Variants in CNOT10 observed in about 807,000 individuals in gnomAD.
The protein encoded by CNOT10 is CCR4-NOT transcription complex, subunit 10.
In CNOT10, 30 loss-of-function variants were observed where a neutral mutation model predicts 94.6. The ratio of observed to expected loss-of-function variants is 0.32; its 90% confidence interval spans 0.24 to 0.43. The LOEUF (loss-of-function observed/expected upper bound fraction) is 0.43. Among genes scored for constraint, CNOT10 ranks in the 20% least tolerant of loss-of-function variants. The probability of loss-of-function intolerance (pLI) is 1.00; values close to 1 mark genes in which losing one functional copy is unlikely to be tolerated. For missense variants in CNOT10, 759 were observed against 877.2 expected, an observed-to-expected ratio of 0.87 and a Z score of 1.70; for synonymous variants, 289 against 301.6, an observed-to-expected ratio of 0.96 and a Z score of 0.43.
intron 8 of CNOT10, 106 bp from the exon 9 acceptor site, chr3:32,725,344 G>A (rs767243169): frequency 3.1e-5 from 26 of 842,816 alleles, no homozygotes; most frequent in Non-Finnish European, 4.9e-5. Context: ...TAGGGAGTAA[G>A]TGGAATGGTA....
At chr3:32,730,710 T>A (rs547366067) in intron 10 of CNOT10, 1 of 152,154 alleles carries the variant, frequency 6.6e-6, no homozygotes, top group Non-Finnish European at 1.5e-5. Flanking sequence ...AGAAATAAAT[T>A]CATTTTGGAT....
intron 17 of CNOT10, among the ~76,000 whole-genome samples, chr3:32,768,352 C>T (rs1380068023): frequency 1.3e-5 from 2 of 152,074 alleles, no homozygotes; most frequent in East Asian, 1.9e-4. Flanking sequence ...GAGGCCAAGG[C>T]GGGTGGATCA....
rs914874427 is a variant in CNOT10 at position 32,752,468 on chromosome 3, A to G, written c.1596-6990A>G. Among the ~76,000 whole-genome samples the G allele has an allele frequency of 8.5e-5, 13 of 152,140 alleles. 1 individual carries two copies. Among genetic ancestry groups the G allele is most frequent in the African/African-American group, 2.9e-4 (12 of 41,448 alleles). On this transcript the variant is annotated intron_variant, in intron 13 of 18. Transcript: ENST00000328834. The stretch of plus-strand genomic sequence containing the variant: ...TAAAATGCTAAGTCTCTGTGACTTT[A>G]TATTTTATTTGCTGCCCAGGATAAG...
chr3:32,715,452 T>C (rs1430632852), intron 5 of CNOT10, among the ~76,000 whole-genome samples: 1 of 152,002 alleles, frequency 6.6e-6, no homozygotes, highest in Non-Finnish European at 1.5e-5. Flanking sequence ...AGGAGAGCAG[T>C]GGGAGATGAT....
chr3:32,722,190 T>C (rs997878842), intron 8 of CNOT10, among the ~76,000 whole-genome samples: 2 of 152,218 alleles, frequency 1.3e-5, no homozygotes, highest in African/African-American at 4.8e-5. Flanking sequence ...TGTCTTGTTT[T>C]TTTTGGATTC....
At chr3:32,707,900 GT>G (rs1189759980) in intron 3 of CNOT10, among the ~76,000 whole-genome samples, 4 of 151,964 alleles carry the variant, frequency 2.6e-5, no homozygotes, top group African/African-American at 9.7e-5. Flanking sequence ...TTTTTGTTTT[GT>G]TTGATACAGA....
At chr3:32,732,025 G>A (rs1698980385) in intron 10 of CNOT10, among the ~76,000 whole-genome samples, 1 of 152,110 alleles carries the variant, frequency 6.6e-6, no homozygotes, top group Non-Finnish European at 1.5e-5. Context: ...GTTGCAGTGA[G>A]CCGAGATTGT....
At chr3:32,755,976 C>T (rs1398911785) in intron 13 of CNOT10, among the ~76,000 whole-genome samples, 4 of 151,894 alleles carry the variant, frequency 2.6e-5, no homozygotes, top group Admixed American at 2.6e-4. Flanking sequence ...GACAGTGACT[C>T]GAGGAAGTGG....
At chr3:32,710,759 T>TG (rs1037621911) in intron 4 of CNOT10, among the ~76,000 whole-genome samples, 1 of 152,168 alleles carries the variant, frequency 6.6e-6, no homozygotes, top group Non-Finnish European at 1.5e-5. Flanking sequence ...CTCTTTCTGT[T>TG]GCCCAGGCTG....
chr3:32,738,355 A>G (rs1201560798), intron 13 of CNOT10, among the ~76,000 whole-genome samples: 1 of 152,116 alleles, frequency 6.6e-6, no homozygotes, highest in Non-Finnish European at 1.5e-5. Flanking sequence ...TTCCTTAAGT[A>G]TTTGATAGAA....
rs1196774272 is a variant in CNOT10 at position 32,685,340 on chromosome 3, T to TGG, written c.-117_-116dup. 8.3e-7 allele frequency: 1 copy of TGG among 1,202,130 alleles called. No individual in the cohort carries two copies. The highest frequency in any genetic ancestry group is 1.5e-5 in the African/African-American group (1 of 66,010). The allele number at this position is 1,202,130 out of a possible 1,614,324, so 74.5% of individuals were successfully genotyped here. A position where few individuals can be genotyped will look rare whatever the true frequency, so the allele number is the denominator to read the frequency against. On this transcript the variant is annotated 5_prime_UTR_variant, in exon 1 of 19. Transcript: ENST00000328834. The stretch of plus-strand genomic sequence containing the variant: ...TCTGCCCACTCCTCTAGCCGGAACC[T>TGG]GGGGGCCCGGAGCCGGGGTAGGCAC...
chr3:32,699,392 TG>T (rs1034170125), intron 1 of CNOT10, among the ~76,000 whole-genome samples: 4 of 152,262 alleles, frequency 2.6e-5, no homozygotes, highest in Admixed American at 2.6e-4. Flanking sequence ...TCAAATCTCT[TG>T]AAGAATATTT....
chr3:32,733,590 T>G (rs1049276379), intron 11 of CNOT10, 46 bp downstream of exon 11: 1 of 1,193,786 alleles, frequency 8.4e-7, no homozygotes, highest in Admixed American at 2.5e-5. Context: ...TAATACTAGT[T>G]TACATAATGT....
intron 13 of CNOT10, among the ~76,000 whole-genome samples, chr3:32,740,385 G>A (rs910952491): frequency 1.3e-5 from 2 of 152,092 alleles, no homozygotes; most frequent in Non-Finnish European, 2.9e-5. Flanking sequence ...CTTCAACCGG[G>A]GAGGCGGAGG....
intron 5 of CNOT10, among the ~76,000 whole-genome samples, chr3:32,715,332 G>A (rs1698070448): frequency 6.6e-6 from 1 of 152,190 alleles, no homozygotes; most frequent in South Asian, 2.1e-4. Context: ...CAGACAAGGA[G>A]GGGTAGAGCA....
intron 10 of CNOT10, among the ~76,000 whole-genome samples, chr3:32,728,356 C>A (rs1298526749): frequency 6.6e-6 from 1 of 152,120 alleles, no homozygotes; most frequent in Non-Finnish European, 1.5e-5. Context: ...CGCAATGGCT[C>A]ACGCCTGTAA....
intron 10 of CNOT10, 92 bp downstream of exon 10, chr3:32,727,962 A>G: frequency 3.7e-6 from 3 of 806,794 alleles, no homozygotes; most frequent in Non-Finnish European, 5.7e-6. Context: ...TTGGAAACAT[A>G]CATAAGACAT....
At chr3:32,701,415 T>TA (rs1025884011) in intron 1 of CNOT10, among the ~76,000 whole-genome samples, 2 of 152,002 alleles carry the variant, frequency 1.3e-5, no homozygotes, top group African/African-American at 2.4e-5. Flanking sequence ...TTTGAAAAAA[T>TA]AAAAAACCAA....
chr3:32,688,303 G>C (rs1575193951), intron 1 of CNOT10, among the ~76,000 whole-genome samples: 1 of 152,082 alleles, frequency 6.6e-6, no homozygotes, highest in South Asian at 2.1e-4. Flanking sequence ...AGTTGTGATA[G>C]ATACTCTGAA....
Sources: allele counts gnomAD v4.1 joint callset (sites outside exome capture counted in the v4.1 genomes callset), GRCh38; gene constraint gnomAD v4.1.1; transcripts MANE v1.5; gene names NCBI Gene and HGNC (gene_info 2026-07-23, HGNC 2026-07-21).